PCDHGB3: variants seen among roughly 807,000 people sequenced by gnomAD.
The protein encoded by PCDHGB3 is protocadherin gamma subfamily B, 3, also known as protocadherin gamma-B3.
A neutral mutation model predicts 59.2 loss-of-function variants in PCDHGB3; 40 were observed. The observed-to-expected ratio is 0.68, with a 90% CI of 0.52 to 0.88. The LOEUF (loss-of-function observed/expected upper bound fraction) is 0.88. Among genes scored for constraint, PCDHGB3 ranks in the 40% least tolerant of loss-of-function variants. The pLI is 0.00. For synonymous variants in PCDHGB3, 581 were observed against 503.6 expected (o/e 1.15, Z -2.06); for missense variants, 1,309 against 1,187.9 (o/e 1.10, Z -1.50).
Position 141,371,406 on chromosome 5 carries a change from T to C in PCDHGB3, c.1012T>C (p.Ser338Pro). 1 of 1,613,960 alleles carries C rather than the reference T, an allele frequency of 6.2e-7. No homozygotes were observed. Among genetic ancestry groups the C allele is most frequent in the Non-Finnish European group, 8.5e-7 (1 of 1,179,892 alleles). Residue 338 changes from serine (S) to proline (P), a missense_variant, in exon 1 of 4, where the codon TCA becomes CCA. Transcript: ENST00000576222. Reference protein sequence around the residue: ...TAYCKVQIDISDENDNAPEIT... With the variant: ...TAYCKVQIDIPDENDNAPEIT... ...ATATTGTAAAGTACAGATAGATATT[T>C]CAGATGAAAATGACAATGCCCCGGA...
Position 141,490,965 on chromosome 5 carries a change from C to G in PCDHGB3, c.2416-3842C>G. On this transcript the variant is annotated intron_variant, in intron 1 of 3. Coordinates refer to ENST00000576222, the MANE Select transcript of PCDHGB3 (RefSeq NM_018924.5). This position sits in a 1 kb window ranked among gnomAD's most constrained non-coding sequence, Gnocchi z 5.4. ...CACGGCCAGACTGGGAACACTCAGC[C>G]CCCCAGCGTCTCCCTCGCTCTGCTC... is the stretch of plus-strand genomic sequence containing the variant. 5 of 1,613,856 alleles carry G rather than the reference C, an allele frequency of 3.1e-6. No homozygotes were observed. The highest frequency in any genetic ancestry group is 3.3e-4 in the Middle Eastern group (2 of 6,062).
chr5:141,461,409 A>ATATGTTTGT (rs1491521215), intron 1 of PCDHGB3, among the ~76,000 whole-genome samples: 2 of 151,810 alleles, frequency 1.3e-5, no homozygotes, highest in Non-Finnish European at 2.9e-5. Context: ...GCATTTTTTC[A>ATATGTTTGT]TATGTTTGTG....
At chr5:141,385,374 T>A in intron 1 of PCDHGB3, 1 of 1,523,876 alleles carries the variant, frequency 6.6e-7, no homozygotes, top group Non-Finnish European at 8.8e-7. Context: ...TGCATGATAT[T>A]TCTCTATTAT....
At position 141,432,716 on chromosome 5, in the gene PCDHGB3, C is replaced by A; in HGVS notation, c.2415+59907C>A. 6.2e-7 allele frequency: 1 copy of A among 1,614,030 alleles called. No individual in the cohort carries two copies. The highest frequency in any genetic ancestry group is 1.1e-5 in the South Asian group (1 of 91,084). ...GGCCGTCCAGGACCACGGCCAGCCC[C>A]CTCTCTCCGCCACTGTCACGCTCAC... On this transcript the variant is annotated intron_variant, in intron 1 of 3. Transcript: ENST00000576222. This position sits in a 1 kb window ranked among gnomAD's most constrained non-coding sequence, Gnocchi z 6.0.
At chr5:141,408,971 C>G (rs763728764) in intron 1 of PCDHGB3, 4 of 1,613,698 alleles carry the variant, frequency 2.5e-6, no homozygotes, top group Non-Finnish European at 3.4e-6. Flanking sequence ...AAATCTGCCC[C>G]CTGGGTCCCC....
chr5:141,392,894 G>A (rs1327938971), intron 1 of PCDHGB3: 14 of 1,613,802 alleles, frequency 8.7e-6, no homozygotes, highest in Non-Finnish European at 1.2e-5. Flanking sequence ...GGGAAATCGG[G>A]AGGGGACAGA....
At chr5:141,475,217 A>G (rs1053906682) in intron 1 of PCDHGB3, among the ~76,000 whole-genome samples, 4 of 152,196 alleles carry the variant, frequency 2.6e-5, no homozygotes, top group Non-Finnish European at 5.9e-5. Flanking sequence ...AGGATTGATC[A>G]AGTAAAGGGA....
At position 141,373,421 on chromosome 5, in the gene PCDHGB3, G is replaced by A. The variant is rs139166526; in HGVS notation, c.2415+612G>A. The stretch of plus-strand genomic sequence containing the variant: ...GCCTGTAGTCCCAGCTACTCGGGAG[G>A]CTGAGGTGGGAGGATCCCTTGATCC... On this transcript the variant is annotated intron_variant, in intron 1 of 3. Transcript: ENST00000576222. 4.0e-3 allele frequency among the ~76,000 whole-genome samples: 615 copies of A among 152,344 alleles called. 6 individuals carry two copies. The highest frequency in any genetic ancestry group is 0.011 in the Admixed American group (171 of 15,306).
intron 1 of PCDHGB3, among the ~76,000 whole-genome samples, chr5:141,480,240 C>CAAA (rs11374694): frequency 1.8e-5 from 2 of 114,046 alleles, no homozygotes; most frequent in Non-Finnish European, 3.8e-5. Context: ...CCTGTCTCTA[C>CAAA]AAAAAAAAAA....
intron 1 of PCDHGB3, chr5:141,395,537 ATTGT>A (rs1179408656): frequency 3.7e-5 from 9 of 243,938 alleles, no homozygotes; most frequent in Admixed American, 8.6e-5. Context: ...TAATTTTGCT[ATTGT>A]TTGTGTGTGT....
intron 1 of PCDHGB3, chr5:141,383,931 T>G: frequency 6.2e-7 from 1 of 1,613,818 alleles, no homozygotes. Flanking sequence ...ATGATAATGC[T>G]CCAGAAGTGA....
chr5:141,409,491 C>A (rs747701093), intron 1 of PCDHGB3: 1 of 1,613,876 alleles, frequency 6.2e-7, no homozygotes, highest in East Asian at 2.2e-5. Context: ...AGGGGCAAGC[C>A]GCCTCTTTCT....
chr5:141,473,975 G>T (rs188916402), intron 1 of PCDHGB3, among the ~76,000 whole-genome samples: 1 of 152,104 alleles, frequency 6.6e-6, no homozygotes, highest in Non-Finnish European at 1.5e-5. Flanking sequence ...AGTCTGAGGC[G>T]GGAGGATCCC....
Position 141,384,048 on chromosome 5 carries a change from C to A in PCDHGB3, c.2415+11239C>A, listed in dbSNP as rs111794989. 4,325 of 1,611,882 alleles carry A rather than the reference C, an allele frequency of 2.7e-3. 15 individuals carry two copies. Among genetic ancestry groups the A allele is most frequent in the Admixed American group, 9.3e-3 (555 of 59,694 alleles). ...ATTCTGGAAAGAATGGTGAGGTGACCTGCACCATTCCAGAAAACCTACCTT... is the reference window on the plus strand; with the variant it reads ...ATTCTGGAAAGAATGGTGAGGTGACATGCACCATTCCAGAAAACCTACCTT... On this transcript the variant is annotated intron_variant, in intron 1 of 3. Transcript: ENST00000576222.
intron 1 of PCDHGB3, among the ~76,000 whole-genome samples, chr5:141,472,071 A>G (rs1243864250): frequency 6.6e-6 from 1 of 152,200 alleles, no homozygotes. Context: ...GTCTGTGGTT[A>G]TATCAATGAG....
intron 1 of PCDHGB3, chr5:141,409,728 C>T: frequency 6.2e-7 from 1 of 1,613,134 alleles, no homozygotes; most frequent in Non-Finnish European, 8.5e-7. Flanking sequence ...TCAGTGAGCG[C>T]GCAGAGCGGG....
chr5:141,481,427 T>C lies in PCDHGB3; in HGVS notation c.2416-13380T>C, dbSNP rs79272909. Reference sequence around the variant, plus strand: ...TTGTATAATTAGATTGTGATGATGATTGTATCAGTTTAGTACATGTAAATA... The same window carrying C: ...TTGTATAATTAGATTGTGATGATGACTGTATCAGTTTAGTACATGTAAATA... On this transcript the variant is annotated intron_variant, in intron 1 of 3. Transcript: ENST00000576222. Among the ~76,000 whole-genome samples the C allele has an allele frequency of 6.0e-3, 907 of 152,334 alleles. 5 individuals are homozygous for C. Among genetic ancestry groups the C allele is most frequent in the African/African-American group, 0.02 (840 of 41,578 alleles).
rs778496260 is a variant in PCDHGB3 at position 141,376,289 on chromosome 5, C to T, written c.2415+3480C>T. On this transcript the variant is annotated intron_variant, in intron 1 of 3. Coordinates refer to ENST00000576222, the MANE Select transcript of PCDHGB3 (RefSeq NM_018924.5). ...TTCGGGAGGTGGCTTAGCGAGCATGCCCGGCTCGCACTTTGTGGGCGTGGA... is the reference window on the plus strand; with the variant it reads ...TTCGGGAGGTGGCTTAGCGAGCATGTCCGGCTCGCACTTTGTGGGCGTGGA... 3.7e-6 allele frequency: 6 copies of T among 1,614,060 alleles called. No homozygotes were observed. The highest frequency in any genetic ancestry group is 5.1e-6 in the Non-Finnish European group (6 of 1,180,046).
At chr5:141,503,335 G>A (rs111643076) in intron 2 of PCDHGB3, among the ~76,000 whole-genome samples, 108 of 152,220 alleles carry the variant, frequency 7.1e-4, no homozygotes, top group African/African-American at 2.4e-3. Context: ...GGTGGCTCAC[G>A]CCTGTAATTC....
Sources: allele counts gnomAD v4.1 joint callset (sites outside exome capture counted in the v4.1 genomes callset), GRCh38; gene constraint gnomAD v4.1.1; non-coding constraint Gnocchi (gnomAD v3.1); transcripts MANE v1.5; gene names NCBI Gene and HGNC (gene_info 2026-07-23, HGNC 2026-07-21).